ARHGAP39: variants seen among roughly 807,000 people sequenced by gnomAD.
The protein encoded by ARHGAP39 is rho GTPase-activating protein 39.
ARHGAP39 carries 44 observed loss-of-function variants against 106.9 expected under a neutral mutation model. The ratio of observed to expected loss-of-function variants is 0.41; its 90% CI spans 0.32 to 0.53. The LOEUF (loss-of-function observed/expected upper bound fraction) is 0.53, where lower values mean the gene tolerates loss of function less well. Among genes scored for constraint, ARHGAP39 ranks in the 20% least tolerant of loss-of-function variants. The pLI, the probability that ARHGAP39 is intolerant of heterozygous loss-of-function variation, is 0.21. For synonymous variants in ARHGAP39, 768 were observed against 693.2 expected, an observed-to-expected ratio of 1.11 and a Z score of -1.69; for missense variants, 1,496 against 1,577.3, an observed-to-expected ratio of 0.95 and a Z score of 0.87.
At chr8:144,608,156 C>CAAAAAAAAA (rs60966946) in intron 1 of ARHGAP39, among the ~76,000 whole-genome samples, 2 of 96,336 alleles carry the variant, frequency 2.1e-5, no homozygotes, top group Non-Finnish European at 2.0e-5. Flanking sequence ...GACTCTGTCT[C>CAAAAAAAAA]AAAAAAAAAA....
intron 6 of ARHGAP39, among the ~76,000 whole-genome samples, chr8:144,543,451 G>A (rs909969876): frequency 3.3e-5 from 5 of 152,210 alleles, no homozygotes. Flanking sequence ...ACCTAGGAGT[G>A]GATCCTGGGG....
At chr8:144,689,760 T>TTG (rs1325001673), upstream of ARHGAP39, among the ~76,000 whole-genome samples, 1 of 143,998 alleles carries the variant, frequency 6.9e-6, no homozygotes, top group African/African-American at 2.5e-5. Flanking sequence ...TTTTTTTTTT[T>TTG]GTGACAGAGT....
chr8:144,623,205 G>A (rs1021070950), intron 1 of ARHGAP39, among the ~76,000 whole-genome samples: 1 of 152,160 alleles, frequency 6.6e-6, no homozygotes, highest in Non-Finnish European at 1.5e-5. Context: ...ATGAAGCCAA[G>A]TGAGCAAATT....
intron 1 of ARHGAP39, among the ~76,000 whole-genome samples, chr8:144,616,911 C>T (rs1430079109): frequency 6.6e-6 from 1 of 152,206 alleles, no homozygotes; most frequent in African/African-American, 2.4e-5. Flanking sequence ...TCAACAAACA[C>T]TATTTTAAAA....
chr8:144,555,273 C>T (rs542521558), intron 4 of ARHGAP39, among the ~76,000 whole-genome samples: 68 of 152,248 alleles, frequency 4.5e-4, no homozygotes, highest in Non-Finnish European at 9.4e-4. Context: ...TAACTGAGGA[C>T]CCTCCAGCAC....
rs970856351 is a variant in ARHGAP39, at chr8:144,563,273, T to C, written c.513-7630A>G. On this transcript the variant is annotated intron_variant, in intron 3 of 11. Transcript: ENST00000377307. The stretch of plus-strand genomic sequence containing the variant: ...AATCTATTAGGAGTTACTGAAACAG[T>C]GGCATCAACACGAACTTCATGCACT... 5.1e-4 allele frequency among the ~76,000 whole-genome samples: 78 copies of C among 152,240 alleles called. 1 individual carries two copies. The highest frequency in any genetic ancestry group is 1.5e-4 in the Non-Finnish European group (10 of 68,042).
intron 2 of ARHGAP39, among the ~76,000 whole-genome samples, chr8:144,594,043 C>G (rs1049655497): frequency 1.4e-5 from 2 of 142,368 alleles, no homozygotes; most frequent in African/African-American, 2.7e-5. Context: ...GAGCCGAGAT[C>G]ACAGCACTGC....
intron 2 of ARHGAP39, among the ~76,000 whole-genome samples, chr8:144,582,183 C>T (rs1205101014): frequency 6.6e-6 from 1 of 152,194 alleles, no homozygotes; most frequent in Non-Finnish European, 1.5e-5. Context: ...GACACCAGGC[C>T]CAGACACGGG....
chr8:144,588,903 A>C (rs1249644834), intron 2 of ARHGAP39, among the ~76,000 whole-genome samples: 1 of 152,264 alleles, frequency 6.6e-6, no homozygotes, highest in Non-Finnish European at 1.5e-5. Context: ...CGTGTCACGC[A>C]ACGCCGGGCC....
At chr8:144,576,573 T>C (rs1461355060) in intron 3 of ARHGAP39, among the ~76,000 whole-genome samples, 1 of 152,152 alleles carries the variant, frequency 6.6e-6, no homozygotes, top group Non-Finnish European at 1.5e-5. Context: ...CTGACACATT[T>C]TGAAAAGAGA....
chr8:144,629,373 C>T (rs946137714), intron 1 of ARHGAP39, among the ~76,000 whole-genome samples: 5 of 152,194 alleles, frequency 3.3e-5, no homozygotes, highest in Admixed American at 1.3e-4. Flanking sequence ...AGAGCAGACC[C>T]GCAGGCTCCA....
rs117089384 is a variant in ARHGAP39, at chr8:144,671,319, C to T, written c.-82+14367G>A. Among the ~76,000 whole-genome samples the T allele has an allele frequency of 0.018, 2,683 of 152,310 alleles. 31 individuals carry two copies. Among genetic ancestry groups the T allele is most frequent in the Middle Eastern group, 0.092 (27 of 294 alleles). On this transcript the variant is annotated intron_variant, in intron 1 of 11. Transcript: ENST00000377307. This position sits in a 1 kb window ranked among gnomAD's most constrained non-coding sequence, Gnocchi z 4.5. ...GGGTCAAGGGTGGATAATAACTTCACGTAAGTTCTGATGTTTTCCGCAAAA... is the reference window on the plus strand; with the variant it reads ...GGGTCAAGGGTGGATAATAACTTCATGTAAGTTCTGATGTTTTCCGCAAAA...
chr8:144,578,885 C>T (rs118093983), intron 3 of ARHGAP39, among the ~76,000 whole-genome samples: 1,584 of 151,936 alleles, frequency 0.01, 15 homozygotes, highest in Non-Finnish European at 0.017. Flanking sequence ...ACAACAAAAA[C>T]CTTTGTTTTT....
chr8:144,691,867 G>A, the ARHGAP39 span, among the ~76,000 whole-genome samples: 9 of 151,912 alleles, frequency 5.9e-5, no homozygotes, highest in Admixed American at 2.0e-4. Context: ...GCGGGGTGGC[G>A]GGGAGGGGAC....
intron 1 of ARHGAP39, among the ~76,000 whole-genome samples, chr8:144,672,074 C>T (rs1822115246): frequency 6.6e-6 from 1 of 152,242 alleles, no homozygotes; most frequent in Admixed American, 6.5e-5. Context: ...AGGGACGTCA[C>T]AGCACTACCC....
chr8:144,660,778 G>A (rs1821802053), intron 1 of ARHGAP39, among the ~76,000 whole-genome samples: 1 of 152,152 alleles, frequency 6.6e-6, no homozygotes, highest in Admixed American at 6.5e-5. Context: ...TCAGGAGTTT[G>A]AGACCAGTCT....
chr8:144,640,964 A>G (rs889135656), intron 1 of ARHGAP39, among the ~76,000 whole-genome samples: 2 of 152,230 alleles, frequency 1.3e-5, no homozygotes, highest in African/African-American at 4.8e-5. Flanking sequence ...TAGTACATAG[A>G]AATCAACATT....
chr8:144,618,664 G>A lies in ARHGAP39; in HGVS notation c.-81-12969C>T, dbSNP rs143264832. Among the ~76,000 whole-genome samples, 877 of 152,300 alleles carry A rather than the reference G, an allele frequency of 5.8e-3. 9 individuals carry two copies. Among genetic ancestry groups the A allele is most frequent in the African/African-American group, 0.02 (814 of 41,572 alleles). On this transcript the variant is annotated intron_variant, in intron 1 of 11. Coordinates refer to ENST00000377307, the MANE Select transcript of ARHGAP39 (RefSeq NM_025251.3). Reference sequence around the variant, plus strand: ...CACCTCCCCCTCTGCCGGGGCTGCCGCCTGCTCAGCTGGGAGGGAGGTCCC... The same window carrying A: ...CACCTCCCCCTCTGCCGGGGCTGCCACCTGCTCAGCTGGGAGGGAGGTCCC...
chr8:144,582,843 C>T (rs770961081), intron 2 of ARHGAP39, among the ~76,000 whole-genome samples: 22 of 152,144 alleles, frequency 1.4e-4, no homozygotes, highest in Non-Finnish European at 2.8e-4. Context: ...TCCTGAGGCC[C>T]GCCTGTGGAT....
Sources: gnomAD v4.1 joint callset for allele counts (sites outside exome capture counted in the v4.1 genomes callset) on GRCh38, gnomAD v4.1.1 for gene constraint, Gnocchi (gnomAD v3.1) non-coding constraint, MANE v1.5 for transcripts, NCBI Gene and HGNC (gene_info 2026-07-23, HGNC 2026-07-21) for gene names.